PDGFD: variants seen among roughly 807,000 people sequenced by gnomAD.
The protein encoded by PDGFD is platelet derived growth factor D.
PDGFD carries 30 observed loss-of-function variants against 44.7 expected under a neutral mutation model. That is an observed-to-expected ratio of 0.67 (90% confidence interval 0.50 to 0.91). PDGFD has a LOEUF of 0.91. Among genes scored for constraint, PDGFD ranks in the 40% least tolerant of loss-of-function variants. The probability of loss-of-function intolerance (pLI) is 0.00; values close to 1 mark genes in which losing one functional copy is unlikely to be tolerated. For synonymous variants in PDGFD, 173 were observed against 168.4 expected (o/e 1.03, Z -0.21); for missense variants, 445 against 457.8 (o/e 0.97, Z 0.25).
chr11:103,981,747 TA>T (rs1316766024), intron 3 of PDGFD, among the ~76,000 whole-genome samples: 7 of 151,812 alleles, frequency 4.6e-5, no homozygotes, highest in Admixed American at 4.6e-4. Flanking sequence ...CTTGAGGCCT[TA>T]GTTAATATCT....
chr11:104,061,465 A>C (rs1860716447), intron 1 of PDGFD, among the ~76,000 whole-genome samples: 1 of 152,204 alleles, frequency 6.6e-6, no homozygotes, highest in East Asian at 1.9e-4. Context: ...AAAAAGACTT[A>C]ACAGATGCCC....
chr11:104,085,452 A>G (rs1861116430), intron 1 of PDGFD, among the ~76,000 whole-genome samples: 1 of 152,170 alleles, frequency 6.6e-6, no homozygotes, highest in Non-Finnish European at 1.5e-5. Flanking sequence ...TTGTTTACCC[A>G]TTCATTCACT....
At chr11:104,156,363 GATAAA>G (rs925754392) in intron 1 of PDGFD, among the ~76,000 whole-genome samples, 4 of 151,788 alleles carry the variant, frequency 2.6e-5, no homozygotes, top group Non-Finnish European at 4.4e-5. Context: ...TCAAAAAATA[GATAAA>G]ATAAAATAAA....
chr11:103,968,374 C>T lies in PDGFD; in HGVS notation c.511-20650G>A, dbSNP rs575979525. 3.3e-5 allele frequency among the ~76,000 whole-genome samples: 5 copies of T among 152,260 alleles called. No homozygotes were observed. In the South Asian group the frequency reaches 1.0e-3, roughly 32 times the overall value. ...TTTCCCAAATTCCCTCTGGCCATCT[C>T]CTACGGGACGTCTGATAAGCTCCTT... On this transcript the variant is annotated intron_variant, in intron 3 of 6. Coordinates refer to ENST00000393158, the MANE Select transcript of PDGFD (RefSeq NM_025208.5).
chr11:104,160,874 C>T (rs546273482), intron 1 of PDGFD, among the ~76,000 whole-genome samples: 21 of 152,244 alleles, frequency 1.4e-4, no homozygotes, highest in Admixed American at 9.2e-4. Context: ...TAGAAGCAGA[C>T]TATCATTCGA....
intron 1 of PDGFD, among the ~76,000 whole-genome samples, chr11:104,098,141 T>C (rs1018878346): frequency 1.3e-5 from 2 of 152,206 alleles, no homozygotes; most frequent in African/African-American, 4.8e-5. Flanking sequence ...TTCAATCATA[T>C]AATTTGTTTG....
chr11:103,930,164 T>C (rs2134313156), intron 5 of PDGFD, among the ~76,000 whole-genome samples: 3 of 152,320 alleles, frequency 2.0e-5, no homozygotes, highest in Admixed American at 2.0e-4. Context: ...GGCAGTTTTC[T>C]GGAAAGGCTG....
intron 6 of PDGFD, among the ~76,000 whole-genome samples, chr11:103,917,657 C>T (rs1858148571): frequency 6.6e-6 from 1 of 151,966 alleles, no homozygotes; most frequent in East Asian, 1.9e-4. Flanking sequence ...TATCATTATG[C>T]CCACTTTATA....
chr11:104,043,730 CAT>C (rs1860396200), intron 1 of PDGFD, among the ~76,000 whole-genome samples: 1 of 152,104 alleles, frequency 6.6e-6, no homozygotes, highest in Non-Finnish European at 1.5e-5. Context: ...AGGGAGCAGA[CAT>C]GTCATATGGT....
chr11:104,039,300 A>C (rs796884671), intron 1 of PDGFD: 2 of 158,928 alleles, frequency 1.3e-5, no homozygotes, highest in South Asian at 4.1e-4. Context: ...GGGAGGGGTC[A>C]CTTTTCAAGC....
chr11:103,989,469 G>T (rs1021938484), intron 3 of PDGFD, among the ~76,000 whole-genome samples: 5 of 152,168 alleles, frequency 3.3e-5, no homozygotes, highest in African/African-American at 1.2e-4. Flanking sequence ...CTCTTGCTCT[G>T]CTATCCTCCT....
intron 1 of PDGFD, among the ~76,000 whole-genome samples, chr11:104,070,011 G>A (rs1371628127): frequency 6.7e-6 from 1 of 148,618 alleles, no homozygotes; most frequent in Non-Finnish European, 1.5e-5. Flanking sequence ...CCCAGATTTG[G>A]CCGGTGGAAG....
chr11:103,999,345 A>T (rs1401356742), intron 2 of PDGFD, among the ~76,000 whole-genome samples: 1 of 152,240 alleles, frequency 6.6e-6, no homozygotes, highest in African/African-American at 2.4e-5. Context: ...AGTCTTATAC[A>T]TGCTAATTAA....
intron 1 of PDGFD, among the ~76,000 whole-genome samples, chr11:104,036,390 G>A (rs968626897): frequency 2.6e-5 from 4 of 152,118 alleles, no homozygotes; most frequent in African/African-American, 9.7e-5. Flanking sequence ...GCTACAGTGA[G>A]CTGTGATTAT....
intron 1 of PDGFD, among the ~76,000 whole-genome samples, chr11:104,033,193 A>G (rs1860156807): frequency 6.6e-6 from 1 of 152,106 alleles, no homozygotes; most frequent in Non-Finnish European, 1.5e-5. Flanking sequence ...TTGAATCACA[A>G]ATCATGCTGG....
intron 1 of PDGFD, among the ~76,000 whole-genome samples, chr11:104,131,570 AG>A (rs1861919601): frequency 6.6e-6 from 1 of 152,212 alleles, no homozygotes; most frequent in African/African-American, 2.4e-5. Flanking sequence ...CACCATAATA[AG>A]TATTCCAAAA....
chr11:103,934,037 AC>A (rs1273569136), intron 5 of PDGFD, among the ~76,000 whole-genome samples: 1 of 152,244 alleles, frequency 6.6e-6, no homozygotes, highest in African/African-American at 2.4e-5. Context: ...GTTCTCATTT[AC>A]TAGACTATGA....
At chr11:104,037,681 G>A (rs1246340662) in intron 1 of PDGFD, 1 of 1,614,112 alleles carries the variant, frequency 6.2e-7, no homozygotes, top group Non-Finnish European at 8.5e-7. Flanking sequence ...CCGACGGTGG[G>A]CTGGGGTTGC....
At chr11:103,955,153 G>A (rs1858820324) in intron 3 of PDGFD, among the ~76,000 whole-genome samples, 1 of 99,232 alleles carries the variant, frequency 1.0e-5, no homozygotes, top group Admixed American at 1.4e-4. Flanking sequence ...GACAGAGCGA[G>A]ACTCCGTCTC....
Sources: gnomAD v4.1 joint callset for allele counts (sites outside exome capture counted in the v4.1 genomes callset) on GRCh38, gnomAD v4.1.1 for gene constraint, MANE v1.5 for transcripts, NCBI Gene and HGNC (gene_info 2026-07-23, HGNC 2026-07-21) for gene names.